The following IFT46 variants were observed in gnomAD, a reference collection of about 807,000 sequenced individuals.
IFT46 encodes the protein intraflagellar transport 46, also known as intraflagellar transport protein 46 homolog.
In IFT46, 19 loss-of-function variants were observed where a neutral mutation model predicts 39.6. The ratio of observed to expected loss-of-function variants is 0.48; its 90% CI spans 0.33 to 0.70. The LOEUF is 0.70. Among genes scored for constraint, IFT46 ranks in the 30% least tolerant of loss-of-function variants. IFT46 has a pLI of 0.01. For missense variants in IFT46, 334 were observed against 364.8 expected, an observed-to-expected ratio of 0.92 and a Z score of 0.69; for synonymous variants, 117 against 134.8, an observed-to-expected ratio of 0.87 and a Z score of 0.91.
At chr11:118,571,144 TTCTGTC>T (rs1284776777) in intron 1 of IFT46, among the ~76,000 whole-genome samples, 2 of 152,198 alleles carry the variant, frequency 1.3e-5, no homozygotes, top group Non-Finnish European at 2.9e-5. Flanking sequence ...CTAAGCTAGT[TTCTGTC>T]TCTGTGGATT....
chr11:118,545,904 C>T, intron 9 of IFT46, 51 bp from the exon 10 acceptor site: 2 of 1,474,002 alleles, frequency 1.4e-6, no homozygotes, highest in Non-Finnish European at 1.9e-6. Context: ...TCAGTGGTCC[C>T]AGAACCACTC....
upstream of IFT46, among the ~76,000 whole-genome samples, chr11:118,570,932 A>G (rs1236437212): frequency 6.6e-6 from 1 of 152,026 alleles, no homozygotes; most frequent in Non-Finnish European, 1.5e-5. Flanking sequence ...TTAAGAGTCT[A>G]AGTCTCACAA....
At chr11:118,576,516 A>G (rs1555073677), upstream of IFT46, among the ~76,000 whole-genome samples, 1 of 151,752 alleles carries the variant, frequency 6.6e-6, no homozygotes. Context: ...TTCAATAGGG[A>G]AAATTGTTAA....
chr11:118,549,644 C>T (rs1668202220), intron 9 of IFT46, among the ~76,000 whole-genome samples: 1 of 151,626 alleles, frequency 6.6e-6, no homozygotes. Context: ...CCTGGCTCAG[C>T]CTCCCGAGTA....
upstream of IFT46, among the ~76,000 whole-genome samples, chr11:118,573,278 A>T (rs781876911): frequency 6.6e-6 from 1 of 152,188 alleles, no homozygotes; most frequent in African/African-American, 2.4e-5. Flanking sequence ...TGTCCAGGTG[A>T]AGAAAAATGT....
At chr11:118,546,309 G>A in intron 9 of IFT46, 1 of 606,890 alleles carries the variant, frequency 1.6e-6, no homozygotes, top group South Asian at 2.0e-5. Flanking sequence ...ACCAGCCTGG[G>A]CAACATGGTG....
chr11:118,562,279 A>G (rs1555070709), intron 2 of IFT46, among the ~76,000 whole-genome samples: 1 of 150,300 alleles, frequency 6.7e-6, no homozygotes, highest in Admixed American at 6.6e-5. Flanking sequence ...TCCATCTCAA[A>G]AAAAAAAAAA....
At chr11:118,574,314 A>T (rs1178531242), upstream of IFT46, among the ~76,000 whole-genome samples, 1 of 152,158 alleles carries the variant, frequency 6.6e-6, no homozygotes, top group Non-Finnish European at 1.5e-5. Flanking sequence ...CTCCTTTACA[A>T]ACAGATCCCT....
chr11:118,558,336 C>T (rs1201335453), intron 3 of IFT46, among the ~76,000 whole-genome samples: 1 of 152,216 alleles, frequency 6.6e-6, no homozygotes, highest in Non-Finnish European at 1.5e-5. Context: ...GTGGCTCATG[C>T]CTGTAATCCC....
At chr11:118,571,933 C>CA (rs1555072394) in intron 1 of IFT46, among the ~76,000 whole-genome samples, 2 of 151,782 alleles carry the variant, frequency 1.3e-5, no homozygotes, top group Non-Finnish European at 2.9e-5. Flanking sequence ...ACTAAAAATA[C>CA]AAAAAACAGC....
At chr11:118,564,044 A>G (rs1488029134) in intron 2 of IFT46, among the ~76,000 whole-genome samples, 1 of 151,802 alleles carries the variant, frequency 6.6e-6, no homozygotes. Flanking sequence ...TCTACTAAAA[A>G]TACTAAAATT....
upstream of IFT46, among the ~76,000 whole-genome samples, chr11:118,575,528 G>A (rs144756426): frequency 1.2e-3 from 179 of 152,040 alleles, 4 homozygotes; most frequent in East Asian, 0.015. Flanking sequence ...TTTAGGTTTC[G>A]TATGTGGTCT....
chr11:118,573,814 C>A, upstream of IFT46: 1 of 479,292 alleles, frequency 2.1e-6, no homozygotes, highest in South Asian at 3.4e-5. Context: ...AGGTTTGCCT[C>A]CTAAAATTTT....
At chr11:118,554,033 C>A (rs1937741272) in intron 7 of IFT46, among the ~76,000 whole-genome samples, 2 of 151,602 alleles carry the variant, frequency 1.3e-5, no homozygotes, top group South Asian at 4.2e-4. Context: ...ATAGAGCTGG[C>A]CCAAAGCAAT....
At chr11:118,555,817 G>A (rs1317816080) in intron 4 of IFT46, among the ~76,000 whole-genome samples, 3 of 152,014 alleles carry the variant, frequency 2.0e-5, no homozygotes, top group African/African-American at 2.4e-5. Flanking sequence ...CAGCTACTCA[G>A]GAGGCTGAGG....
intron 9 of IFT46, 90 bp downstream of exon 9, chr11:118,551,696 C>CAAT: frequency 1.2e-6 from 1 of 862,248 alleles, no homozygotes; most frequent in Non-Finnish European, 1.8e-6. Context: ...AAAAAGTTAC[C>CAAT]AATAATAATA....
At chr11:118,552,176 C>T in intron 8 of IFT46, 38 bp downstream of exon 8, 2 of 1,611,558 alleles carry the variant, frequency 1.2e-6, no homozygotes, top group Non-Finnish European at 1.7e-6. Context: ...GTGAAGGTTA[C>T]TATGTGTTAC....
chr11:118,557,398 AT>A (rs1323129927), intron 3 of IFT46: 1 of 390,174 alleles, frequency 2.6e-6, no homozygotes, highest in Non-Finnish European at 4.6e-6. Context: ...AACTCTAGTT[AT>A]TTTGGAAGAA....
intron 8 of IFT46, 79 bp from the exon 9 acceptor site, chr11:118,551,931 T>TATCC: frequency 7.2e-7 from 1 of 1,382,116 alleles, no homozygotes; most frequent in Non-Finnish European, 1.0e-6. Flanking sequence ...TATTCTAGGA[T>TATCC]GAAGGAGAGG....
Sources: gnomAD v4.1 joint callset for allele counts (sites outside exome capture counted in the v4.1 genomes callset) on GRCh38, gnomAD v4.1.1 for gene constraint, MANE v1.5 for transcripts, NCBI Gene and HGNC (gene_info 2026-07-23, HGNC 2026-07-21) for gene names.